Variants in SLC2A14 observed in about 807,000 individuals in gnomAD.
SLC2A14 encodes the protein solute carrier family 2, facilitated glucose transporter member 14.
A neutral mutation model predicts 43.0 loss-of-function variants in SLC2A14; 13 were observed. The observed-to-expected ratio is 0.30, with a 90% CI of 0.20 to 0.48. The LOEUF is 0.48. Among genes scored for constraint, SLC2A14 ranks in the 20% least tolerant of loss-of-function variants. The pLI, the probability that SLC2A14 is intolerant of heterozygous loss-of-function variation, is 0.99. For missense variants in SLC2A14, 428 were observed against 620.4 expected, an observed-to-expected ratio of 0.69 and a Z score of 3.29; for synonymous variants, 190 against 233.8, an observed-to-expected ratio of 0.81 and a Z score of 1.71.
At chr12:7,846,781 G>A (rs1305793297) in intron 2 of SLC2A14, among the ~76,000 whole-genome samples, 2 of 151,080 alleles carry the variant, frequency 1.3e-5, no homozygotes, top group Admixed American at 6.6e-5. Context: ...ACAAGCGCCC[G>A]CCACTACACC....
intron 2 of SLC2A14, among the ~76,000 whole-genome samples, chr12:7,850,426 C>T (rs1172620349): frequency 2.6e-5 from 4 of 152,094 alleles, no homozygotes; most frequent in African/African-American, 9.7e-5. Context: ...GACGGAGTCT[C>T]GCTCTGTCAC....
chr12:7,882,124 T>C (rs1283411556), intron 1 of SLC2A14, among the ~76,000 whole-genome samples: 1 of 152,088 alleles, frequency 6.6e-6, no homozygotes, highest in African/African-American at 2.4e-5. Context: ...ATAAGTCTTG[T>C]TGCTGCTCAG....
intron 2 of SLC2A14, among the ~76,000 whole-genome samples, chr12:7,855,711 C>A (rs915459914): frequency 6.6e-6 from 1 of 152,006 alleles, no homozygotes; most frequent in African/African-American, 2.4e-5. Context: ...GGCTTCAGCT[C>A]ACTGCAACCT....
In SLC2A14 at chr12:7,890,338, T is replaced by C. The variant is rs991043478; in HGVS notation, c.132+658A>G. Among the ~76,000 whole-genome samples the C allele has an allele frequency of 7.9e-5, 12 of 152,012 alleles. 1 individual carries two copies. Among genetic ancestry groups the C allele is most frequent in the African/African-American group, 2.9e-4 (12 of 41,402 alleles). The stretch of plus-strand genomic sequence containing the variant: ...GAACCCATCATTTTCTCTCATGCCT[T>C]TACCCAAACTGTTAATTTTCTGCAA... On this transcript the variant is annotated intron_variant, in intron 1 of 9. Transcript: ENST00000539924.
At chr12:7,827,222 G>A (rs962396801) in intron 7 of SLC2A14, among the ~76,000 whole-genome samples, 2 of 146,998 alleles carry the variant, frequency 1.4e-5, no homozygotes, top group Non-Finnish European at 3.0e-5. Flanking sequence ...GAAATTCTCC[G>A]GCCTCAGCCT....
intron 7 of SLC2A14, among the ~76,000 whole-genome samples, chr12:7,822,732 G>A (rs1864033476): frequency 1.3e-5 from 2 of 151,508 alleles, no homozygotes. Flanking sequence ...AGTTGAGACA[G>A]CAACTCACTA....
intron 2 of SLC2A14, among the ~76,000 whole-genome samples, chr12:7,851,171 T>C (rs193134552): frequency 6.6e-6 from 1 of 151,974 alleles, no homozygotes; most frequent in Non-Finnish European, 1.5e-5. Flanking sequence ...CGCTACAGAC[T>C]GTGCTGAAAA....
At chr12:7,826,659 T>C (rs1223751040) in intron 7 of SLC2A14, among the ~76,000 whole-genome samples, 2 of 152,072 alleles carry the variant, frequency 1.3e-5, no homozygotes, top group East Asian at 3.9e-4. Context: ...AGCAGGAAGC[T>C]GATATTTGCA....
intron 8 of SLC2A14, among the ~76,000 whole-genome samples, chr12:7,820,521 A>G (rs1309980814): frequency 6.6e-6 from 1 of 152,194 alleles, no homozygotes; most frequent in East Asian, 1.9e-4. Context: ...GGACACCTAG[A>G]TAGTGTCCAC....
chr12:7,889,315 C>T (rs1422228918), intron 1 of SLC2A14, among the ~76,000 whole-genome samples: 1 of 149,852 alleles, frequency 6.7e-6, no homozygotes, highest in Non-Finnish European at 1.5e-5. Context: ...CTCACTCCAA[C>T]CTCTGCCTCC....
At chr12:7,859,489 T>C (rs1000742064) in intron 2 of SLC2A14, among the ~76,000 whole-genome samples, 5 of 152,132 alleles carry the variant, frequency 3.3e-5, no homozygotes, top group Non-Finnish European at 5.9e-5. Context: ...CCATTTATTA[T>C]ACATGACCAG....
At chr12:7,871,055 A>G (rs1945202460) in intron 1 of SLC2A14, 1 of 1,411,226 alleles carries the variant, frequency 7.1e-7, no homozygotes, top group Non-Finnish European at 9.5e-7. Flanking sequence ...AACCCCATGG[A>G]TGAATACCTG....
At chr12:7,882,071 C>T (rs925442689) in intron 1 of SLC2A14, among the ~76,000 whole-genome samples, 1 of 152,036 alleles carries the variant, frequency 6.6e-6, no homozygotes, top group Non-Finnish European at 1.5e-5. Flanking sequence ...ACATGTTGGC[C>T]TCCCTTTCTA....
chr12:7,884,106 G>A (rs1386102132), intron 1 of SLC2A14, among the ~76,000 whole-genome samples: 3 of 150,932 alleles, frequency 2.0e-5, no homozygotes, highest in Non-Finnish European at 4.4e-5. Context: ...TGTATTTTTA[G>A]TAGAAACGGG....
chr12:7,887,187 C>T (rs1052273586), intron 1 of SLC2A14, among the ~76,000 whole-genome samples: 4 of 152,074 alleles, frequency 2.6e-5, no homozygotes, highest in Non-Finnish European at 5.9e-5. Context: ...GCTGGGATTA[C>T]AGGCATGAGC....
At chr12:7,831,572 G>A (rs1256385019) in intron 4 of SLC2A14, 32 bp downstream of exon 4, 4 of 1,612,786 alleles carry the variant, frequency 2.5e-6, no homozygotes, top group Middle Eastern at 3.7e-4. Context: ...ATCTGGTAGA[G>A]CCCACTTCCT....
chr12:7,884,340 C>T (rs910561585), intron 1 of SLC2A14, among the ~76,000 whole-genome samples: 15 of 152,096 alleles, frequency 9.9e-5, no homozygotes, highest in Non-Finnish European at 2.9e-5. Flanking sequence ...AACCCCTTTG[C>T]AATAACTGAA....
intron 2 of SLC2A14, among the ~76,000 whole-genome samples, chr12:7,862,140 T>G (rs1944598069): frequency 6.7e-6 from 1 of 150,166 alleles, no homozygotes; most frequent in Admixed American, 6.7e-5. Flanking sequence ...CGCGCATGCC[T>G]GTAATCCCAG....
At chr12:7,870,857 C>T (rs1945185503) in intron 1 of SLC2A14, 3 of 1,283,370 alleles carry the variant, frequency 2.3e-6, no homozygotes, top group Non-Finnish European at 3.0e-6. Flanking sequence ...CCAAAATGTT[C>T]AGCAAGTGGA....
Sources: allele counts gnomAD v4.1 joint callset (sites outside exome capture counted in the v4.1 genomes callset), GRCh38; gene constraint gnomAD v4.1.1; transcripts MANE v1.5; gene names NCBI Gene and HGNC (gene_info 2026-07-23, HGNC 2026-07-21).